SOHLH2: variants seen among roughly 807,000 people sequenced by gnomAD.
SOHLH2 encodes spermatogenesis and oogenesis specific basic helix-loop-helix 2.
Under a neutral mutation model 50.4 loss-of-function variants are expected in SOHLH2, and 22 were observed. The observed-to-expected ratio is 0.44, with a 90% CI of 0.31 to 0.62. SOHLH2 has a LOEUF of 0.62. Among genes scored for constraint, SOHLH2 ranks in the 20% least tolerant of loss-of-function variants. The pLI, the probability that SOHLH2 is intolerant of heterozygous loss-of-function variation, is 0.08. For missense variants in SOHLH2, 412 were observed against 504.4 expected, an observed-to-expected ratio of 0.82 and a Z score of 1.76; for synonymous variants, 185 against 187.3, an observed-to-expected ratio of 0.99 and a Z score of 0.10.
intron 1 of SOHLH2, among the ~76,000 whole-genome samples, chr13:36,207,357 T>C (rs1303512739): frequency 6.6e-6 from 1 of 152,140 alleles, no homozygotes. Flanking sequence ...TTTTCATTTT[T>C]CCATCCTGTT....
rs9575518 is a variant in SOHLH2 at position 36,176,372 on chromosome 13, G to A, written c.642-1503C>T. Among the ~76,000 whole-genome samples the A allele has an allele frequency of 4.0e-3, 603 of 152,100 alleles. 1 individual carries two copies. The highest frequency in any genetic ancestry group is 4.8e-3 in the African/African-American group (199 of 41,482). On this transcript the variant is annotated intron_variant, in intron 6 of 10. Coordinates refer to ENST00000379881, the MANE Select transcript of SOHLH2 (RefSeq NM_017826.3). ...ATTTTCCAACATTAGAAAAATGTTCGAACATAGAGAAAATTTGAAAGAATT... is the reference window on the plus strand; with the variant it reads ...ATTTTCCAACATTAGAAAAATGTTCAAACATAGAGAAAATTTGAAAGAATT...
chr13:36,174,673 T>C, intron 7 of SOHLH2, 49 bp downstream of exon 7: 2 of 1,596,064 alleles, frequency 1.3e-6, no homozygotes, highest in Non-Finnish European at 8.5e-7. Context: ...AATTGTAGTA[T>C]TAAAGCATGT....
At chr13:36,213,779 G>T (rs1405829441) in intron 1 of SOHLH2, among the ~76,000 whole-genome samples, 1 of 152,132 alleles carries the variant, frequency 6.6e-6, no homozygotes. Flanking sequence ...TTGCCTGTTT[G>T]GGGGGAAGCT....
At chr13:36,198,572 G>A (rs9575551) in intron 2 of SOHLH2, among the ~76,000 whole-genome samples, 13,097 of 152,168 alleles carry the variant, frequency 0.086, 741 homozygotes, top group Middle Eastern at 0.13. Flanking sequence ...TATCAGGAAC[G>A]TTAACCTATA....
chr13:36,188,571 C>G (rs1305446950), intron 6 of SOHLH2, among the ~76,000 whole-genome samples: 2 of 152,160 alleles, frequency 1.3e-5, no homozygotes, highest in Non-Finnish European at 2.9e-5. Context: ...TGGCTCAATA[C>G]AAATAGTCAG....
At chr13:36,172,211 T>G (rs11618257) in intron 9 of SOHLH2, among the ~76,000 whole-genome samples, 24,932 of 152,100 alleles carry the variant, frequency 0.16, 2,139 homozygotes, top group East Asian at 0.2. Flanking sequence ...GCCACGAAAA[T>G]AATGTTTCAG....
chr13:36,176,118 A>G (rs930421084), intron 6 of SOHLH2, among the ~76,000 whole-genome samples: 8 of 152,190 alleles, frequency 5.3e-5, no homozygotes, highest in African/African-American at 1.7e-4. Flanking sequence ...TATAAAGCTT[A>G]TTGGGGAAAA....
intron 6 of SOHLH2, among the ~76,000 whole-genome samples, chr13:36,179,508 A>C (rs1355324274): frequency 6.6e-6 from 1 of 152,164 alleles, no homozygotes; most frequent in Non-Finnish European, 1.5e-5. Context: ...TACTGGGCTC[A>C]AGTGATTCTC....
intron 6 of SOHLH2, among the ~76,000 whole-genome samples, chr13:36,186,707 T>G (rs1887429517): frequency 1.3e-5 from 2 of 152,216 alleles, no homozygotes; most frequent in Non-Finnish European, 2.9e-5. Context: ...GTTTATGTAT[T>G]TATAAATATA....
intron 10 of SOHLH2, among the ~76,000 whole-genome samples, chr13:36,169,708 A>C (rs1886910161): frequency 6.6e-6 from 1 of 152,176 alleles, no homozygotes; most frequent in Non-Finnish European, 1.5e-5. Context: ...GTTCTTCCAA[A>C]CAATGCAGGT....
rs557936426 is a variant in SOHLH2 at position 36,205,404 on chromosome 13, GATCAATATCCTTTATCAGTTAAAA to G, written c.49-3335_49-3312del. On this transcript the variant is annotated intron_variant, in intron 1 of 10. Transcript: ENST00000379881. ...AATATGATACTTACTGAAGATTTCT[GATCAATATCCTTTATCAGTTAAAA>G]AAGTTTCTATTTGGAAGCTAAGAAT... Among the ~76,000 whole-genome samples, 4 of 152,118 alleles carry G rather than the reference GATCAATATCCTTTATCAGTTAAAA, an allele frequency of 2.6e-5. No homozygotes were observed. The South Asian group carries it at 8.3e-4, about 32-fold the overall frequency.
At chr13:36,185,095 A>G (rs1262059870) in intron 6 of SOHLH2, among the ~76,000 whole-genome samples, 3 of 152,212 alleles carry the variant, frequency 2.0e-5, no homozygotes, top group South Asian at 4.1e-4. Context: ...TGCAAAGGAC[A>G]TGAACTCATT....
At chr13:36,189,849 T>C in intron 6 of SOHLH2, 97 bp downstream of exon 6, 1 of 1,197,422 alleles carries the variant, frequency 8.4e-7, no homozygotes. Context: ...TTTACTAGTT[T>C]CACTTATACT....
In SOHLH2 at chr13:36,202,034, T is replaced by C. The variant is rs1238545113; in HGVS notation, c.108A>G (p.Val36=). 7 of 1,614,232 alleles carry C rather than the reference T, an allele frequency of 4.3e-6. No homozygotes were observed. The highest frequency in any genetic ancestry group is 8.5e-7 in the Non-Finnish European group (1 of 1,180,052). The change falls in exon 2 of 11, where the codon GTA becomes GTG. Residue 36 remains valine, a synonymous_variant. Coordinates refer to ENST00000379881, the MANE Select transcript of SOHLH2 (RefSeq NM_017826.3). ...DVTVGYLADT[V]QKLFANIAEV... ...CTGCTATGTTTGCAAATAGTTTCTGTACAGTATCAGCCAGGTAGCCCACAG... is the reference window on the plus strand; with the variant it reads ...CTGCTATGTTTGCAAATAGTTTCTGCACAGTATCAGCCAGGTAGCCCACAG...
intron 6 of SOHLH2, among the ~76,000 whole-genome samples, chr13:36,186,969 A>G (rs552266029): frequency 6.6e-6 from 1 of 152,306 alleles, no homozygotes; most frequent in South Asian, 2.1e-4. Context: ...CAACGATTTC[A>G]GATTCACAGG....
At chr13:36,208,783 C>T (rs1868934013) in intron 1 of SOHLH2, among the ~76,000 whole-genome samples, 1 of 152,130 alleles carries the variant, frequency 6.6e-6, no homozygotes, top group African/African-American at 2.4e-5. Context: ...AGAGTCCTAC[C>T]AAGTCTGAAA....
At chr13:36,181,878 C>T in intron 6 of SOHLH2, 1 of 405,924 alleles carries the variant, frequency 2.5e-6, no homozygotes, top group Non-Finnish European at 3.3e-6. Context: ...GTCAAAATAT[C>T]TAAGTTGTCT....
chr13:36,176,175 A>G (rs1196772521), intron 6 of SOHLH2, among the ~76,000 whole-genome samples: 2 of 152,272 alleles, frequency 1.3e-5, no homozygotes, highest in South Asian at 4.2e-4. Flanking sequence ...CCACTAAACA[A>G]AGTAGAAGTG....
chr13:36,186,594 A>G (rs1887427076), intron 6 of SOHLH2, among the ~76,000 whole-genome samples: 1 of 152,222 alleles, frequency 6.6e-6, no homozygotes, highest in South Asian at 2.1e-4. Context: ...TCAAGTGAAT[A>G]GACACCCCCA....
Sources: allele counts gnomAD v4.1 joint callset (sites outside exome capture counted in the v4.1 genomes callset), GRCh38; gene constraint gnomAD v4.1.1; transcripts MANE v1.5; gene names NCBI Gene and HGNC (gene_info 2026-07-23, HGNC 2026-07-21).